The following HHIPL1 variants were observed in gnomAD, a reference collection of about 807,000 sequenced individuals.
HHIPL1 encodes HHIP-like protein 1.
A neutral mutation model predicts 61.8 loss-of-function variants in HHIPL1; 43 were observed. The observed-to-expected ratio is 0.70, with a 90% CI of 0.55 to 0.90. HHIPL1 has a LOEUF of 0.90. Ranked by LOEUF, HHIPL1 falls within the 40% of genes least tolerant of loss-of-function variation. The probability of loss-of-function intolerance (pLI) is 0.00; values close to 1 mark genes in which losing one functional copy is unlikely to be tolerated. For missense variants in HHIPL1, 1,056 were observed against 1,157.7 expected, an observed-to-expected ratio of 0.91 and a Z score of 1.28; for synonymous variants, 482 against 515.8, an observed-to-expected ratio of 0.93 and a Z score of 0.89.
intron 2 of HHIPL1, among the ~76,000 whole-genome samples, chr14:99,655,781 A>G (rs1264050596): frequency 6.6e-6 from 1 of 152,236 alleles, no homozygotes; most frequent in African/African-American, 2.4e-5. Flanking sequence ...AGTTACTTAA[A>G]GACTAGTAAC....
chr14:99,642,450 T>C (rs893869995), upstream of HHIPL1, among the ~76,000 whole-genome samples: 4 of 152,238 alleles, frequency 2.6e-5, no homozygotes, highest in African/African-American at 9.6e-5. Flanking sequence ...GGTGTTCTCC[T>C]CGGCAGTCTC....
chr14:99,638,441 T>C, the HHIPL1 span, among the ~76,000 whole-genome samples: 7 of 152,284 alleles, frequency 4.6e-5, no homozygotes, highest in East Asian at 1.4e-3. Context: ...CTGGAGCCGA[T>C]GCGTAGGTGC....
upstream of HHIPL1, among the ~76,000 whole-genome samples, chr14:99,641,024 T>C (rs2055744320): frequency 6.6e-6 from 1 of 151,816 alleles, no homozygotes; most frequent in African/African-American, 2.4e-5. Flanking sequence ...GTAGCTGGGA[T>C]TACAGGCATC....
chr14:99,674,031 GC>G (rs1324933627), intron 8 of HHIPL1, among the ~76,000 whole-genome samples: 2 of 151,766 alleles, frequency 1.3e-5, no homozygotes, highest in Non-Finnish European at 2.9e-5. Flanking sequence ...GGAGGTGGGG[GC>G]CAGGGGCCAG....
At chr14:99,606,649 G>A in the HHIPL1 span, among the ~76,000 whole-genome samples, 1 of 152,230 alleles carries the variant, frequency 6.6e-6, no homozygotes, top group Non-Finnish European at 1.5e-5. Context: ...CTATCTAGGT[G>A]GGGTTTGTTT....
the HHIPL1 span, among the ~76,000 whole-genome samples, chr14:99,626,959 G>A: frequency 6.6e-6 from 1 of 152,156 alleles, no homozygotes; most frequent in Non-Finnish European, 1.5e-5. Context: ...TCACTGAATG[G>A]CTCAGGACAG....
rs541043983 is a variant in HHIPL1 at position 99,669,886 on chromosome 14, C to T, written c.1730+1583C>T. Among the ~76,000 whole-genome samples the T allele has an allele frequency of 3.6e-4, 55 of 152,340 alleles. No homozygotes were observed. In the South Asian group the frequency reaches 0.011, roughly 30 times the overall value. On this transcript the variant is annotated intron_variant, in intron 7 of 8. Coordinates refer to ENST00000330710, the MANE Select transcript of HHIPL1 (RefSeq NM_001127258.3). The stretch of plus-strand genomic sequence containing the variant: ...GCTGCAGTGAGCTATGATCGCACCA[C>T]TGCCCTCCAGCCTGGATAACAGAGC...
chr14:99,626,342 T>G, the HHIPL1 span, among the ~76,000 whole-genome samples: 1,732 of 152,180 alleles, frequency 0.011, 41 homozygotes, highest in African/African-American at 0.04. Context: ...CTGCAAAACA[T>G]GTTCCCAGCT....
chr14:99,628,840 C>T, the HHIPL1 span, among the ~76,000 whole-genome samples: 1 of 152,278 alleles, frequency 6.6e-6, no homozygotes, highest in East Asian at 1.9e-4. Context: ...ATAGAGCTAG[C>T]CATACCTGCT....
the HHIPL1 span, among the ~76,000 whole-genome samples, chr14:99,605,041 G>C: frequency 6.6e-6 from 1 of 152,164 alleles, no homozygotes; most frequent in Non-Finnish European, 1.5e-5. Flanking sequence ...CCCGCAGCGC[G>C]GTCAGTACTC....
Position 99,659,646 on chromosome 14 carries a change from A to C in HHIPL1, c.1265A>C (p.Gln422Pro), listed in dbSNP as rs2056111094. 2.6e-6 allele frequency: 4 copies of C among 1,551,142 alleles called. No homozygotes were observed. The highest frequency in any genetic ancestry group is 1.7e-6 in the Non-Finnish European group (2 of 1,152,932). ...RGRLFCGDVG[Q>P]NKFEEVDVVE... The stretch of plus-strand genomic sequence containing the variant: ...CGCCTCTTCTGCGGCGACGTGGGCC[A>C]GAACAAGTTCGAGGAGGTGGACGTG... The change falls in exon 4 of 9, where the codon CAG (glutamine) becomes CCG (proline). Residue 422 changes from glutamine (Q) to proline (P), a missense_variant. By Grantham distance (76) the Gln-to-Pro change is moderately conservative (BLOSUM62 -1). Coordinates refer to ENST00000330710, the MANE Select transcript of HHIPL1 (RefSeq NM_001127258.3).
At chr14:99,654,202 A>AAG (rs1018487369) in intron 2 of HHIPL1, among the ~76,000 whole-genome samples, 15 of 151,218 alleles carry the variant, frequency 9.9e-5, no homozygotes, top group African/African-American at 2.7e-4. Context: ...AAAAAAAAAA[A>AAG]AAAAAAGAAA....
Position 99,668,366 on chromosome 14 carries a change from C to A in HHIPL1, c.1730+63C>A, listed in dbSNP as rs2056281473. The A allele has an allele frequency of 3.1e-6, 3 of 981,468 alleles. No individual in the cohort carries two copies. Among genetic ancestry groups the A allele is most frequent in the Non-Finnish European group, 5.0e-6 (3 of 605,302 alleles). 60.8% of individuals were successfully genotyped at this position (981,468 alleles called of 1,614,324 possible). A position where few individuals can be genotyped will look rare whatever the true frequency, so the allele number is the denominator to read the frequency against. On this transcript the variant is annotated intron_variant, in intron 7 of 8. Coordinates refer to ENST00000330710, the MANE Select transcript of HHIPL1 (RefSeq NM_001127258.3). The surrounding 1 kb of genome is among the most constrained non-coding windows in gnomAD (Gnocchi z 4.7). ...CTGTCAGGCCTCTTAGCTCCACGGGCTTGTCCCCTCCGCCTCGCCCTCAGG... is the reference window on the plus strand; with the variant it reads ...CTGTCAGGCCTCTTAGCTCCACGGGATTGTCCCCTCCGCCTCGCCCTCAGG...
intron 6 of HHIPL1, among the ~76,000 whole-genome samples, chr14:99,665,425 A>G (rs2056227855): frequency 6.6e-6 from 1 of 152,166 alleles, no homozygotes; most frequent in African/African-American, 2.4e-5. Context: ...CAAATGGTCA[A>G]ATGGGTCAGA....
chr14:99,621,709 C>CTT, the HHIPL1 span, among the ~76,000 whole-genome samples: 40,089 of 84,124 alleles, frequency 0.48, 10,870 homozygotes, highest in South Asian at 0.64. Flanking sequence ...CTTTTCTTTT[C>CTT]TTTTTTTTTT....
chr14:99,634,344 GT>G, the HHIPL1 span, among the ~76,000 whole-genome samples: 6 of 150,098 alleles, frequency 4.0e-5, no homozygotes, highest in African/African-American at 9.8e-5. Context: ...AGATGAGGAA[GT>G]CCCCCGTGAC....
At chr14:99,641,647 CAG>C (rs2055753665), upstream of HHIPL1, among the ~76,000 whole-genome samples, 1 of 152,106 alleles carries the variant, frequency 6.6e-6, no homozygotes. Context: ...TTCCTGACCT[CAG>C]GTGATCCACC....
In HHIPL1 at chr14:99,675,100, C is replaced by A; in HGVS notation, c.1823C>A (p.Pro608Gln). The change falls in exon 9 of 9, where the codon CCG becomes CAG. Residue 608 changes from proline (P) to glutamine (Q), a missense_variant. Pro to Gln is a moderately conservative substitution (Grantham distance 76). Coordinates refer to ENST00000330710, the MANE Select transcript of HHIPL1 (RefSeq NM_001127258.3). The surrounding 1 kb of genome is among the most constrained non-coding windows in gnomAD (Gnocchi z 5.4). ...IPFVPKEKFI[P>Q]KTRSTPRPTA... is the part of the protein sequence containing the mutation. ...CTCTTCCTCTGCGCAGAGTTCATCC[C>A]GAAGACACGGAGCACCCCGCGGCCT... The A allele has an allele frequency of 1.7e-6, 2 of 1,168,196 alleles. No homozygotes were observed. Among genetic ancestry groups the A allele is most frequent in the South Asian group, 2.7e-5 (1 of 37,600 alleles). The allele number at this position is 1,168,196 out of a possible 1,614,324, so 72.4% of individuals were successfully genotyped here.
the HHIPL1 span, among the ~76,000 whole-genome samples, chr14:99,639,050 T>A: frequency 6.6e-6 from 1 of 152,270 alleles, no homozygotes; most frequent in Non-Finnish European, 1.5e-5. Context: ...TGCTTATTTG[T>A]TCTTACAAAT....
Sources: gnomAD v4.1 joint callset for allele counts (sites outside exome capture counted in the v4.1 genomes callset) on GRCh38, gnomAD v4.1.1 for gene constraint, Gnocchi (gnomAD v3.1) non-coding constraint, MANE v1.5 for transcripts, NCBI Gene and HGNC (gene_info 2026-07-23, HGNC 2026-07-21) for gene names.